The following AP1G1 variants were observed in gnomAD, a reference collection of about 807,000 sequenced individuals.
AP1G1 encodes adaptor related protein complex 1 subunit gamma 1, also known as AP-1 complex subunit gamma-1.
A neutral mutation model predicts 108.3 loss-of-function variants in AP1G1; 7 were observed. The ratio of observed to expected loss-of-function variants is 0.06; its 90% CI spans 0.04 to 0.12. AP1G1 has a LOEUF of 0.12. Among genes scored for constraint, AP1G1 ranks in the 10% least tolerant of loss-of-function variants. The pLI, the probability that AP1G1 is intolerant of heterozygous loss-of-function variation, is 1.00. For missense variants in AP1G1, 756 were observed against 1,010.7 expected (o/e 0.75, Z 3.42); for synonymous variants, 379 against 353.5 (o/e 1.07, Z -0.81).
At chr16:71,758,725 C>T (rs757058411) in intron 11 of AP1G1, 83 bp downstream of exon 11, 11 of 769,550 alleles carry the variant, frequency 1.4e-5, no homozygotes, top group Non-Finnish European at 2.4e-5. Context: ...CAAAGTATCA[C>T]ATGGCAGCGG....
In AP1G1 at chr16:71,767,931, C is replaced by T. The variant is rs182871380; in HGVS notation, c.642+1692G>A. On this transcript the variant is annotated intron_variant, in intron 6 of 22. Transcript: ENST00000299980. The stretch of plus-strand genomic sequence containing the variant: ...AAACAGACAACAGGAACAAAACATA[C>T]AAAGCAAGCATTAGGGACAGATACG... 1.9e-4 allele frequency: 303 copies of T among 1,588,012 alleles called. 1 individual carries two copies. The African/African-American group carries it at 3.8e-3, about 20-fold the overall frequency.
In AP1G1 at chr16:71,745,605, T is replaced by C. The variant is rs1365578805; in HGVS notation, c.1740A>G (p.Leu580=). ...TTTCCATGACAGGCATTCTCTCAAGTAGGGCAGACCTAGAAGAATCTGAAG... is the reference window on the plus strand; with the variant it reads ...TTTCCATGACAGGCATTCTCTCAAGCAGGGCAGACCTAGAAGAATCTGAAG... ...FKKYDHMRSA[L]LERMPVMEKV... The change falls in exon 18 of 23, where the codon CTA becomes CTG. Residue 580 remains leucine (L), a synonymous_variant. Coordinates refer to ENST00000299980, the MANE Select transcript of AP1G1 (RefSeq NM_001128.6). 2 of 1,613,974 alleles carry C rather than the reference T, an allele frequency of 1.2e-6. No individual in the cohort carries two copies. The highest frequency in any genetic ancestry group is 1.3e-5 in the African/African-American group (1 of 74,912).
intron 19 of AP1G1, among the ~76,000 whole-genome samples, chr16:71,741,229 T>A (rs1409103185): frequency 6.6e-6 from 1 of 152,176 alleles, no homozygotes; most frequent in African/African-American, 2.4e-5. Context: ...GAATATCATC[T>A]TTTTTTAAGA....
At chr16:71,808,204 C>CAAAA (rs1555560556) in intron 1 of AP1G1, 7 of 1,101,148 alleles carry the variant, frequency 6.4e-6, no homozygotes, top group Non-Finnish European at 7.8e-6. Flanking sequence ...AACAAAACAA[C>CAAAA]AACATATACA....
intron 13 of AP1G1, among the ~76,000 whole-genome samples, chr16:71,750,668 G>A (rs932746301): frequency 1.8e-4 from 27 of 151,484 alleles, no homozygotes; most frequent in Non-Finnish European, 2.5e-4. Context: ...CACCTGCCTC[G>A]GCCTCTCAAA....
chr16:71,791,979 C>T (rs2032419893), intron 1 of AP1G1, among the ~76,000 whole-genome samples: 1 of 152,000 alleles, frequency 6.6e-6, no homozygotes, highest in Non-Finnish European at 1.5e-5. Context: ...TCAGGTTGGT[C>T]TCGAACTCCT....
chr16:71,754,247 A>G (rs923830510), intron 12 of AP1G1, among the ~76,000 whole-genome samples: 1 of 151,670 alleles, frequency 6.6e-6, no homozygotes, highest in East Asian at 1.9e-4. Flanking sequence ...AAGAAAGAGA[A>G]GAGAAGAAAG....
chr16:71,759,711 G>C (rs1310275243), intron 10 of AP1G1, among the ~76,000 whole-genome samples: 1 of 151,410 alleles, frequency 6.6e-6, no homozygotes, highest in African/African-American at 2.4e-5. Flanking sequence ...AGTCAGCGGA[G>C]ATCGTGCCAC....
rs773926715 is a variant in AP1G1, at chr16:71,732,171, T to C, written c.*887A>G. 4 of 152,234 alleles carry C rather than the reference T, an allele frequency of 2.6e-5. No individual in the cohort carries two copies. The highest frequency in any genetic ancestry group is 4.8e-5 in the African/African-American group (2 of 41,422). The allele number at this position is 152,234 out of a possible 1,614,324, so 9.4% of individuals were successfully genotyped here. A position where few individuals can be genotyped will look rare whatever the true frequency, so the allele number is the denominator to read the frequency against. On this transcript the variant is annotated 3_prime_UTR_variant, in exon 23 of 23. Coordinates refer to ENST00000299980, the MANE Select transcript of AP1G1 (RefSeq NM_001128.6). ...AGCACTTTAAAATTTGTGGTGGGAATAGGGTCATTAATAACTATGAATATA... is the reference window on the plus strand; with the variant it reads ...AGCACTTTAAAATTTGTGGTGGGAACAGGGTCATTAATAACTATGAATATA...
intron 2 of AP1G1, among the ~76,000 whole-genome samples, chr16:71,780,449 C>G (rs1484456231): frequency 6.7e-6 from 1 of 149,998 alleles, no homozygotes; most frequent in Non-Finnish European, 1.5e-5. Flanking sequence ...TACGATTGCA[C>G]CACTGCACTC....
At chr16:71,777,892 CTGG>C (rs2031852335) in intron 2 of AP1G1, 3 of 235,052 alleles carry the variant, frequency 1.3e-5, no homozygotes, top group African/African-American at 2.3e-5. Flanking sequence ...CAGAGGGGCC[CTGG>C]ACAGTGGAGG....
At position 71,732,982 on chromosome 16, in the gene AP1G1, C is replaced by A; in HGVS notation, c.*76G>T. 8.2e-7 allele frequency: 1 copy of A among 1,216,576 alleles called. No homozygotes were observed. The highest frequency in any genetic ancestry group is 1.2e-6 in the Non-Finnish European group (1 of 839,858). The allele number at this position is 1,216,576 out of a possible 1,614,324, so 75.4% of individuals were successfully genotyped here. A position where few individuals can be genotyped will look rare whatever the true frequency, so the allele number is the denominator to read the frequency against. ...ATGCCCGTGGTACAGTTGGGGGGGACTTGCCAGCAATCACAACCTCCTTCC... is the reference window on the plus strand; with the variant it reads ...ATGCCCGTGGTACAGTTGGGGGGGAATTGCCAGCAATCACAACCTCCTTCC... On this transcript the variant is annotated 3_prime_UTR_variant, in exon 23 of 23. Transcript: ENST00000299980.
At chr16:71,757,523 T>TA (rs1243904346) in intron 11 of AP1G1, among the ~76,000 whole-genome samples, 4 of 152,312 alleles carry the variant, frequency 2.6e-5, no homozygotes, top group Admixed American at 6.5e-5. Flanking sequence ...ATTCAATCCT[T>TA]AGATATAATA....
At chr16:71,804,297 C>T (rs960183114) in intron 1 of AP1G1, among the ~76,000 whole-genome samples, 1 of 152,016 alleles carries the variant, frequency 6.6e-6, no homozygotes, top group Non-Finnish European at 1.5e-5. Context: ...CCACCCGCCT[C>T]GGCCTCCCAA....
chr16:71,777,343 A>G (rs1238686794), intron 2 of AP1G1, among the ~76,000 whole-genome samples: 2 of 151,764 alleles, frequency 1.3e-5, no homozygotes, highest in African/African-American at 2.4e-5. Context: ...CAAGAAGAAA[A>G]CAAAGAGAGA....
In AP1G1 at chr16:71,784,556, A is replaced by AT. The variant is rs1249244226; in HGVS notation, c.201+4722dup. ...TTGTACAGCAAGGCAGGGCTAAGATATTTTTTTGTTGTTGTTGTTTGAGAC... is the reference window on the plus strand; with the variant it reads ...TTGTACAGCAAGGCAGGGCTAAGATATTTTTTTTGTTGTTGTTGTTTGAGAC... On this transcript the variant is annotated intron_variant, in intron 2 of 22. Coordinates refer to ENST00000299980, the MANE Select transcript of AP1G1 (RefSeq NM_001128.6). Among the ~76,000 whole-genome samples, 7 of 152,068 alleles carry AT rather than the reference A, an allele frequency of 4.6e-5. No homozygotes were observed. The East Asian group carries it at 1.4e-3, about 30-fold the overall frequency.
At position 71,731,060 on chromosome 16, in the gene AP1G1, T is replaced by C. The variant is rs1266967277; in HGVS notation, c.*1998A>G. 1.3e-5 allele frequency: 2 copies of C among 152,606 alleles called. No homozygotes were observed. Among genetic ancestry groups the C allele is most frequent in the Non-Finnish European group, 2.9e-5 (2 of 68,032 alleles). 9.5% of individuals were successfully genotyped at this position (152,606 alleles called of 1,614,324 possible). A position where few individuals can be genotyped will look rare whatever the true frequency, so the allele number is the denominator to read the frequency against. ...ATTCAAGAAATCCACCAACATTATGTTAATCCTATCATGTTTCACAGCATT... is the reference window on the plus strand; with the variant it reads ...ATTCAAGAAATCCACCAACATTATGCTAATCCTATCATGTTTCACAGCATT... On this transcript the variant is annotated 3_prime_UTR_variant, in exon 23 of 23. Coordinates refer to ENST00000299980, the MANE Select transcript of AP1G1 (RefSeq NM_001128.6).
At chr16:71,758,211 A>G (rs2030899040) in intron 11 of AP1G1, among the ~76,000 whole-genome samples, 1 of 152,204 alleles carries the variant, frequency 6.6e-6, no homozygotes, top group Non-Finnish European at 1.5e-5. Flanking sequence ...TTCAGAGGCC[A>G]ACTTTAGCTA....
chr16:71,739,160 T>C (rs2045586767), intron 20 of AP1G1, 58 bp from the exon 21 acceptor site: 1 of 1,610,210 alleles, frequency 6.2e-7, no homozygotes, highest in African/African-American at 1.3e-5. Flanking sequence ...TGCAGAATTA[T>C]TACTTCTTTT....
Sources: gnomAD v4.1 joint callset for allele counts (sites outside exome capture counted in the v4.1 genomes callset) on GRCh38, gnomAD v4.1.1 for gene constraint, MANE v1.5 for transcripts, NCBI Gene and HGNC (gene_info 2026-07-23, HGNC 2026-07-21) for gene names.